WDR87: variants seen among roughly 807,000 people sequenced by gnomAD.
The protein encoded by WDR87 is WD repeat domain 87, also known as WD repeat-containing protein 87.
Under a neutral mutation model 83.3 loss-of-function variants are expected in WDR87, and 56 were observed. The ratio of observed to expected loss-of-function variants is 0.67; its 90% CI spans 0.54 to 0.84. The LOEUF (loss-of-function observed/expected upper bound fraction) is 0.84. WDR87 is among the 40% of genes least tolerant of loss of function. The pLI is 0.00. For synonymous variants in WDR87, 1,173 were observed against 1,250.6 expected (o/e 0.94, Z 1.31); for missense variants, 2,939 against 3,431.9 (o/e 0.86, Z 3.59).
chr19:37,895,111 C>T lies in WDR87; in HGVS notation c.592G>A (p.Val198Ile), dbSNP rs1477093475. 2 of 1,551,602 alleles carry T rather than the reference C, an allele frequency of 1.3e-6. No homozygotes were observed. Among genetic ancestry groups the T allele is most frequent in the Non-Finnish European group, 1.7e-6 (2 of 1,147,010 alleles). The change falls in exon 4 of 6, where the codon GTC (valine) becomes ATC (isoleucine). Residue 198 changes from valine (V) to isoleucine (I), a missense_variant. Val to Ile is a conservative substitution (Grantham distance 29). Around this residue, in one of 3 missense-constraint regions of WDR87, gnomAD observed 226 missense variants for 320.9 expected, o/e 0.70. Coordinates refer to ENST00000447313, the MANE Select transcript of WDR87 (RefSeq NM_001291088.2). ...GGACCATTCAGCACGATGTCCTGGA[C>T]AAGCTCATCACCTGGCATGGAGACC... Reference protein sequence around the residue: ...HMVSMPGDELVQDIVLNGPSG... With the variant: ...HMVSMPGDELIQDIVLNGPSG...
chr19:37,905,855 T>C lies in WDR87; in HGVS notation c.-47+644A>G, dbSNP rs190625524. On this transcript the variant is annotated intron_variant, in intron 1 of 5. Coordinates refer to ENST00000447313, the MANE Select transcript of WDR87 (RefSeq NM_001291088.2). The stretch of plus-strand genomic sequence containing the variant: ...TTCTCTTAGCTAGTATTGCTCTACA[T>C]TGTTGTAGTCTGGTGGTGGCCTGAT... Among the ~76,000 whole-genome samples the C allele has an allele frequency of 1.8e-3, 280 of 152,306 alleles. 1 individual carries two copies. Among genetic ancestry groups the C allele is most frequent in the Middle Eastern group, 3.4e-3 (1 of 294 alleles).
rs2046169062 is a variant in WDR87 at position 37,888,235 on chromosome 19, T to C, written c.5436A>G (p.Glu1812=). 1 of 1,552,184 alleles carries C rather than the reference T, an allele frequency of 6.4e-7. No individual in the cohort carries two copies. The highest frequency in any genetic ancestry group is 1.2e-5 in the South Asian group (1 of 84,064). The change falls in exon 6 of 6, where the codon GAA becomes GAG. Residue 1812 remains glutamate, a synonymous_variant. Coordinates refer to ENST00000447313, the MANE Select transcript of WDR87 (RefSeq NM_001291088.2). ...CCTTTTCCTGGATCAGCAACTCTTC[T>C]TCCTGGGCCAGTTTTGTCTCTTCTT... ...LSEEETKLAQ[E]EELLIQEKEK...
Position 37,890,211 on chromosome 19 carries a change from GCT to G in WDR87, c.3458_3459del (p.Glu1153AlafsTer7). ...CCACTTTCATCCTCTAAGAGGCCTG[GCT>G]CTGTGCTCATCTGTTTAGAGTCTCT... Reference protein sequence around the residue: ...KERDSKQMSTEPGLLEDESGT... With the variant: ...KERDSKQMSTXPGLLEDESGT... On this transcript the variant is annotated frameshift_variant, in exon 6 of 6. Coordinates refer to ENST00000447313, the MANE Select transcript of WDR87 (RefSeq NM_001291088.2). LOFTEE classifies it low-confidence loss of function (END_TRUNC). 1 of 1,551,676 alleles carries G rather than the reference GCT, an allele frequency of 6.4e-7. No homozygotes were observed. The highest frequency in any genetic ancestry group is 8.7e-7 in the Non-Finnish European group (1 of 1,146,980).
At position 37,892,718 on chromosome 19, in the gene WDR87, G is replaced by T; in HGVS notation, c.2985C>A (p.Ala995=). The part of the protein sequence containing the change: ...KRLGMITHLF[A]MPLAQGLMDK... ...CCATTAATCCTTGAGCCAGAGGCAT[G>T]GCAAAAAGATGAGTAATCATTCCTA... Residue 995 remains alanine, a synonymous_variant, in exon 4 of 6, where the codon GCC becomes GCA. Coordinates refer to ENST00000447313, the MANE Select transcript of WDR87 (RefSeq NM_001291088.2). 1 of 1,551,784 alleles carries T rather than the reference G, an allele frequency of 6.4e-7. No homozygotes were observed. Among genetic ancestry groups the T allele is most frequent in the Middle Eastern group, 1.7e-4 (1 of 5,994 alleles).
intron 1 of WDR87, among the ~76,000 whole-genome samples, chr19:37,905,995 G>C (rs954200373): frequency 6.6e-6 from 1 of 152,002 alleles, no homozygotes; most frequent in African/African-American, 2.4e-5. Flanking sequence ...CATTTTTGTT[G>C]AATGAGTGGA....
At position 37,887,950 on chromosome 19, in the gene WDR87, G is replaced by A. The variant is rs1300331039; in HGVS notation, c.5721C>T (p.Thr1907=). Residue 1907 remains threonine, a synonymous_variant, in exon 6 of 6, where the codon ACC becomes ACT. Transcript: ENST00000447313. ...ENLLYNKERL[T]HSKKQLVQVK... is the part of the protein sequence containing the mutation. ...CTTGCACTAATTGCTTTTTGCTGTG[G>A]GTGAGTCTTTCTTTATTATAGAGTA... The A allele has an allele frequency of 1.9e-6, 3 of 1,551,082 alleles. No homozygotes were observed. The highest frequency in any genetic ancestry group is 3.9e-5 in the Admixed American group (2 of 50,894).
rs1264283220 is a variant in WDR87 at position 37,893,687 on chromosome 19, C to T, written c.2016G>A (p.Val672=). The stretch of plus-strand genomic sequence containing the variant: ...CTGGGGGAAGCAATTTTAAACAGGA[C>T]ACTAGGTAAAGACTCTGGTTAAAAG... ...LVTFNQSLYL[V]SCLKLLPPAL... Residue 672 remains valine, a synonymous_variant, in exon 4 of 6, where the codon GTG becomes GTA. Coordinates refer to ENST00000447313, the MANE Select transcript of WDR87 (RefSeq NM_001291088.2). 4 of 1,551,988 alleles carry T rather than the reference C, an allele frequency of 2.6e-6. No homozygotes were observed. Among genetic ancestry groups the T allele is most frequent in the East Asian group, 4.9e-5 (2 of 40,926 alleles).
chr19:37,891,106 G>A (rs367629015), intron 5 of WDR87, among the ~76,000 whole-genome samples: 5 of 151,418 alleles, frequency 3.3e-5, no homozygotes, highest in African/African-American at 7.3e-5. Context: ...TCCCTCACCC[G>A]AGAGTGTCTT....
chr19:37,887,132 C>T lies in WDR87; in HGVS notation c.6539G>A (p.Arg2180Gln), dbSNP rs112783899. 21,121 of 1,550,108 alleles carry T rather than the reference C, an allele frequency of 0.014. 146 individuals carry two copies. Among genetic ancestry groups the T allele is most frequent in the Non-Finnish European group, 0.016 (18,270 of 1,146,754 alleles). Reference sequence around the variant, plus strand: ...TTTGTTGGCCAGTTTTCTCTGCTTCCGAGCCAGTTTCTTCTCATCTTTAGT... The same window carrying T: ...TTTGTTGGCCAGTTTTCTCTGCTTCTGAGCCAGTTTCTTCTCATCTTTAGT... ...ELTKDEKKLA[R>Q]KQRKLANKMR... Residue 2180 changes from arginine (R) to glutamine (Q), a missense_variant, in exon 6 of 6, where the codon CGG (arginine) becomes CAG (glutamine). Arg to Gln is a conservative substitution (Grantham distance 43). Around this residue, in one of 3 missense-constraint regions of WDR87, gnomAD observed 2,160 missense variants for 2,533.1 expected, o/e 0.85. Transcript: ENST00000447313.
chr19:37,891,781 C>T lies in WDR87; in HGVS notation c.3165G>A (p.Leu1055=). 1.3e-6 allele frequency: 2 copies of T among 1,552,266 alleles called. No homozygotes were observed. Among genetic ancestry groups the T allele is most frequent in the Admixed American group, 2.0e-5 (1 of 51,010 alleles). ...TTTGGAGATCTGTGGCCCGCATCCC[C>T]AGTAGATGGTCCAGGGGTTCCTCCC... ...MIGEEPLDHL[L]GMRATDLQIL... Residue 1055 remains leucine (L), a synonymous_variant, in exon 5 of 6, where the codon CTG becomes CTA. Coordinates refer to ENST00000447313, the MANE Select transcript of WDR87 (RefSeq NM_001291088.2).
At position 37,887,061 on chromosome 19, in the gene WDR87, T is replaced by C. The variant is rs1324948357; in HGVS notation, c.6610A>G (p.Ser2204Gly). ...TCTGAATGCTTTCTGGCCAATTTGC[T>C]CTCTTCCTCAGTCATTTTTTCTTCT... ...NKEEKMTEEE[S>G]KLARKHSEVI... The change falls in exon 6 of 6, where the codon AGC (serine) becomes GGC (glycine). Residue 2204 changes from serine to glycine, a missense_variant. Physicochemically the swap from Ser to Gly is moderately conservative, Grantham distance 56. This residue lies in a region of WDR87 where 2,160 missense variants were observed against 2,533.1 expected (regional missense o/e 0.85). Coordinates refer to ENST00000447313, the MANE Select transcript of WDR87 (RefSeq NM_001291088.2). 5.2e-6 allele frequency: 8 copies of C among 1,551,244 alleles called. No homozygotes were observed. The highest frequency in any genetic ancestry group is 7.0e-6 in the Non-Finnish European group (8 of 1,147,000).
chr19:37,888,639 G>A lies in WDR87; in HGVS notation c.5032C>T (p.Gln1678Ter). ...EMAQAEGKFA[Q>*]KEETLAQRGE... ...CTTTGGGCCAGTGTTTCCTCTTTCT[G>A]GGCAAACTTACCCTCTGCCTGGGCC... Residue 1678 changes from glutamine to a stop codon, truncating the protein, a stop_gained, in exon 6 of 6, where the codon CAG (glutamine) becomes TAG (stop). Transcript: ENST00000447313. LOFTEE classifies it low-confidence loss of function (END_TRUNC). 1 of 1,551,724 alleles carries A rather than the reference G, an allele frequency of 6.4e-7. No individual in the cohort carries two copies. The highest frequency in any genetic ancestry group is 8.7e-7 in the Non-Finnish European group (1 of 1,147,022).
At position 37,887,707 on chromosome 19, in the gene WDR87, C is replaced by T; in HGVS notation, c.5964G>A (p.Arg1988=). Residue 1988 remains arginine (R), a synonymous_variant, in exon 6 of 6, where the codon CGG becomes CGA. Transcript: ENST00000447313. Reference sequence around the variant, plus strand: ...TAGCAATATCCAACTCTCCTCTGAGCCGTTTCTTTCCTTGGACCATTGCCT... The same window carrying T: ...TAGCAATATCCAACTCTCCTCTGAGTCGTTTCTTTCCTTGGACCATTGCCT... The part of the protein sequence containing the change: ...LEKAMVQGKK[R]LRGELDIAKE... 1 of 1,552,338 alleles carries T rather than the reference C, an allele frequency of 6.4e-7. No homozygotes were observed. The highest frequency in any genetic ancestry group is 8.7e-7 in the Non-Finnish European group (1 of 1,147,140).
Position 37,891,615 on chromosome 19 carries a change from A to G in WDR87, c.3331T>C (p.Ser1111Pro). The G allele has an allele frequency of 6.4e-7, 1 of 1,551,990 alleles. No homozygotes were observed. Among genetic ancestry groups the G allele is most frequent in the Non-Finnish European group, 8.7e-7 (1 of 1,147,066 alleles). The stretch of plus-strand genomic sequence containing the variant: ...TTGCTGGGCTTGATGGCCACTTCAG[A>G]TTCTTCAGAAACTGTAGGAGGTTTC... ...SLKPPTVSEE[S>P]EVAIKPSKGQ... The change falls in exon 5 of 6, where the codon TCT becomes CCT. Residue 1111 changes from serine (S) to proline (P), a missense_variant. Coordinates refer to ENST00000447313, the MANE Select transcript of WDR87 (RefSeq NM_001291088.2).
chr19:37,897,673 C>T (rs1181678366), intron 2 of WDR87, among the ~76,000 whole-genome samples: 2 of 151,958 alleles, frequency 1.3e-5, no homozygotes, highest in South Asian at 2.1e-4. Flanking sequence ...TACTTGAGCT[C>T]AGGAGTTCAC....
chr19:37,894,243 C>CT lies in WDR87; in HGVS notation c.1459dup (p.Arg487LysfsTer46). 6.4e-7 allele frequency: 1 copy of CT among 1,551,874 alleles called. No homozygotes were observed. The highest frequency in any genetic ancestry group is 8.7e-7 in the Non-Finnish European group (1 of 1,147,042). On this transcript the variant is annotated frameshift_variant, in exon 4 of 6. Coordinates refer to ENST00000447313, the MANE Select transcript of WDR87 (RefSeq NM_001291088.2). LOFTEE classifies it high-confidence loss of function. ...AGCACAGCTGTGCTGGGAGAGCACT[C>CT]TTATCACACCACTCTGGTGCCCAGA...
rs1327970043 is a variant in WDR87, at chr19:37,886,464, C to T, written c.7207G>A (p.Glu2403Lys). The T allele has an allele frequency of 6.5e-7, 1 of 1,527,254 alleles. No individual in the cohort carries two copies. Among genetic ancestry groups the T allele is most frequent in the African/African-American group, 1.4e-5 (1 of 71,278 alleles). The allele number at this position is 1,527,254 out of a possible 1,614,324, so 94.6% of individuals were successfully genotyped here. A position where few individuals can be genotyped will look rare whatever the true frequency, so the allele number is the denominator to read the frequency against. Residue 2403 changes from glutamate to lysine, a missense_variant, in exon 6 of 6, where the codon GAA becomes AAA. Coordinates refer to ENST00000447313, the MANE Select transcript of WDR87 (RefSeq NM_001291088.2). ...CCTCTTAAAATGGAAAGGACTCTTT[C>T]CCTTCCTCTTAGGCTCTTTCTTCTT... is the stretch of plus-strand genomic sequence containing the variant. ...EQRRKSLRGR[E>K]RVLSILRGVP...
intron 1 of WDR87, among the ~76,000 whole-genome samples, chr19:37,901,777 A>G (rs1426372464): frequency 6.6e-6 from 1 of 151,662 alleles, no homozygotes; most frequent in Admixed American, 6.6e-5. Flanking sequence ...GCAGTAGTAG[A>G]GTCACAGTTC....
In WDR87 at chr19:37,885,918, A is replaced by G. The variant is rs1306565211; in HGVS notation, c.7753T>C (p.Phe2585Leu). The change falls in exon 6 of 6, where the codon TTC becomes CTC. Residue 2585 changes from phenylalanine to leucine, a missense_variant. Coordinates refer to ENST00000447313, the MANE Select transcript of WDR87 (RefSeq NM_001291088.2). ...TTGAGCAGCTGGCACAGTCTATGGAAACCATCCCTGGAAAGCTGTTCTCCC... is the reference window on the plus strand; with the variant it reads ...TTGAGCAGCTGGCACAGTCTATGGAGACCATCCCTGGAAAGCTGTTCTCCC... ...EAGEQLSRDG[F>L]HRLCQLLKDL... 7.7e-6 allele frequency: 12 copies of G among 1,552,190 alleles called. No homozygotes were observed. The Admixed American group carries it at 2.4e-4, about 30-fold the overall frequency.
Sources: allele counts gnomAD v4.1 joint callset (sites outside exome capture counted in the v4.1 genomes callset), GRCh38; gene constraint gnomAD v4.1.1; regional missense constraint gnomAD v4.1.1; transcripts MANE v1.5; gene names NCBI Gene and HGNC (gene_info 2026-07-23, HGNC 2026-07-21).